Variants in ATG9A observed in about 807,000 individuals in gnomAD.
The protein encoded by ATG9A is autophagy related 9A.
In ATG9A, 21 loss-of-function variants were observed where a neutral mutation model predicts 87.1. The ratio of observed to expected loss-of-function variants is 0.24; its 90% CI spans 0.17 to 0.35. ATG9A has a LOEUF of 0.35. Ranked by LOEUF, ATG9A falls within the 10% of genes least tolerant of loss-of-function variation. The pLI is 1.00. For missense variants in ATG9A, 836 were observed against 1,107.3 expected, an observed-to-expected ratio of 0.76 and a Z score of 3.48; for synonymous variants, 422 against 441.3, an observed-to-expected ratio of 0.96 and a Z score of 0.55.
chr2:219,224,049 T>G lies in ATG9A; in HGVS notation c.1266-27A>C, dbSNP rs531910156. On this transcript the variant is annotated intron_variant, in intron 8 of 15. Coordinates refer to ENST00000361242, the MANE Select transcript of ATG9A (RefSeq NM_001077198.3). This position sits in a 1 kb window ranked among gnomAD's most constrained non-coding sequence, Gnocchi z 7.7. ...TAGTGGGATCAGGATCATGGTGAGATGTATGCCTTTCCCAGGAATGCTAGC... is the reference window on the plus strand; with the variant it reads ...TAGTGGGATCAGGATCATGGTGAGAGGTATGCCTTTCCCAGGAATGCTAGC... 1 of 1,605,710 alleles carries G rather than the reference T, an allele frequency of 6.2e-7. No homozygotes were observed. Among genetic ancestry groups the G allele is most frequent in the Non-Finnish European group, 8.5e-7 (1 of 1,174,882 alleles).
Position 219,226,992 on chromosome 2 carries a change from T to G in ATG9A, c.148-59A>C, listed in dbSNP as rs577157094. The G allele has an allele frequency of 2.5e-5, 35 of 1,403,110 alleles. No homozygotes were observed. In the East Asian group the frequency reaches 8.0e-4, roughly 32 times the overall value. 86.9% of individuals were successfully genotyped at this position (1,403,110 alleles called of 1,614,324 possible). A position where few individuals can be genotyped will look rare whatever the true frequency, so the allele number is the denominator to read the frequency against. On this transcript the variant is annotated intron_variant, in intron 4 of 15. Coordinates refer to ENST00000361242, the MANE Select transcript of ATG9A (RefSeq NM_001077198.3). ...AAGCAGGTAAGAGCACAGACTTTGG[T>G]GTCAACACACTCAAGCTTAAGTCCT... is the stretch of plus-strand genomic sequence containing the variant.
chr2:219,223,361 T>A lies in ATG9A; in HGVS notation c.1599+224A>T, dbSNP rs370344231. Among the ~76,000 whole-genome samples, 15 of 152,224 alleles carry A rather than the reference T, an allele frequency of 9.9e-5. No homozygotes were observed. The highest frequency in any genetic ancestry group is 9.7e-4 in the East Asian group (5 of 5,156). On this transcript the variant is annotated intron_variant, in intron 10 of 15. Coordinates refer to ENST00000361242, the MANE Select transcript of ATG9A (RefSeq NM_001077198.3). This position sits in a 1 kb window ranked among gnomAD's most constrained non-coding sequence, Gnocchi z 4.7. ...CCTTGGCCTCCCAAAGTGCTGGGAT[T>A]ACAGACGTGAGCCACCGCGCCTGGC...
intron 13 of ATG9A, 111 bp downstream of exon 13, chr2:219,221,939 G>A: frequency 3.3e-6 from 3 of 902,592 alleles, no homozygotes; most frequent in South Asian, 3.3e-5. Flanking sequence ...TAAGAAGGTA[G>A]ATATGGGAGT....
chr2:219,228,121 C>A, intron 2 of ATG9A, 68 bp from the exon 3 acceptor site: 2 of 1,118,538 alleles, frequency 1.8e-6, no homozygotes, highest in East Asian at 4.9e-5. Flanking sequence ...GCCCTGCCTA[C>A]TGCCAAAAGG....
In ATG9A at chr2:219,225,515, G is replaced by A. The variant is rs770730811; in HGVS notation, c.270C>T (p.Asp90=). Residue 90 remains aspartate (D), a synonymous_variant, in exon 6 of 16, where the codon GAC becomes GAT. Coordinates refer to ENST00000361242, the MANE Select transcript of ATG9A (RefSeq NM_001077198.3). ...TCACCATCTTGTTGGCAAATAGGAT[G>A]TCATAGTCCACGCAGCTGACCAGGA... The part of the protein sequence containing the change: ...TTFLVSCVDY[D]ILFANKMVNH... The A allele has an allele frequency of 3.1e-6, 5 of 1,614,184 alleles. No homozygotes were observed. The Admixed American group carries it at 6.7e-5, about 22-fold the overall frequency.
intron 5 of ATG9A, among the ~76,000 whole-genome samples, chr2:219,226,258 G>T (rs1382997947): frequency 6.6e-6 from 1 of 152,092 alleles, no homozygotes; most frequent in Non-Finnish European, 1.5e-5. Flanking sequence ...TTACAGGCGT[G>T]TGCCACCACA....
intron 3 of ATG9A, 50 bp from the exon 4 acceptor site, chr2:219,227,863 T>C: frequency 6.2e-7 from 1 of 1,612,830 alleles, no homozygotes; most frequent in Non-Finnish European, 8.5e-7. Flanking sequence ...CACAAGCCCC[T>C]TGCTCTCTCC....
chr2:219,221,691 T>C (rs1411519025), intron 13 of ATG9A, among the ~76,000 whole-genome samples: 1 of 152,032 alleles, frequency 6.6e-6, no homozygotes, highest in African/African-American at 2.4e-5. Context: ...GGAAAAAACA[T>C]GATATGTCAC....
chr2:219,225,372 A>G (rs1375850376), intron 6 of ATG9A, 39 bp downstream of exon 6: 2 of 1,607,708 alleles, frequency 1.2e-6, no homozygotes, highest in South Asian at 2.2e-5. Flanking sequence ...TGCTAGCAGA[A>G]CTCAAGGCTA....
In ATG9A at chr2:219,220,780, G is replaced by A. The variant is rs1181054121; in HGVS notation, c.2481C>T (p.Gly827=). ...SRHPEPVPEE[G]SEDELPPQVH... ...CCTGAGGGGGTAGCTCATCCTCCGAGCCCTCTTCGGGCACGGGCTCAGGGT... is the reference window on the plus strand; with the variant it reads ...CCTGAGGGGGTAGCTCATCCTCCGAACCCTCTTCGGGCACGGGCTCAGGGT... Residue 827 remains glycine, a synonymous_variant, in exon 15 of 16, where the codon GGC becomes GGT. Coordinates refer to ENST00000361242, the MANE Select transcript of ATG9A (RefSeq NM_001077198.3). The A allele has an allele frequency of 4.3e-6, 7 of 1,613,428 alleles. No homozygotes were observed. Among genetic ancestry groups the A allele is most frequent in the Non-Finnish European group, 5.9e-6 (7 of 1,179,988 alleles).
chr2:219,226,630 C>T (rs1050071355), intron 5 of ATG9A, among the ~76,000 whole-genome samples: 1 of 152,020 alleles, frequency 6.6e-6, no homozygotes, highest in South Asian at 2.1e-4. Flanking sequence ...AGAGGTTGCA[C>T]CGAGCCAAGA....
intron 5 of ATG9A, among the ~76,000 whole-genome samples, 193 bp downstream of exon 5, chr2:219,226,676 C>G (rs1036278736): frequency 7.9e-5 from 12 of 152,048 alleles, no homozygotes; most frequent in Non-Finnish European, 4.4e-5. Context: ...GAGTGAGACT[C>G]ACTCCATCTC....
At position 219,222,902 on chromosome 2, in the gene ATG9A, G is replaced by T. The variant is rs778932333; in HGVS notation, c.1600-9C>A. 44 of 1,613,658 alleles carry T rather than the reference G, an allele frequency of 2.7e-5. No homozygotes were observed. Among genetic ancestry groups the T allele is most frequent in the Non-Finnish European group, 3.5e-5 (41 of 1,179,954 alleles). On this transcript the variant is annotated splice_polypyrimidine_tract_variant and intron_variant, in intron 10 of 15. Coordinates refer to ENST00000361242, the MANE Select transcript of ATG9A (RefSeq NM_001077198.3). The surrounding 1 kb of genome is among the most constrained non-coding windows in gnomAD (Gnocchi z 4.3). ...TGCCCAGCAGATAGCCACTGCACAA[G>T]GAAGAGCAGAGTAAGCAGGGCTGTT...
Position 219,223,566 on chromosome 2 carries a change from C to T in ATG9A, c.1599+19G>A. On this transcript the variant is annotated intron_variant, in intron 10 of 15. Transcript: ENST00000361242. The surrounding 1 kb of genome is among the most constrained non-coding windows in gnomAD (Gnocchi z 4.7). ...TCCAGCATCATCCCAGGCCACCTGG[C>T]TCCCTCCTCTCCCAGTACCTGGGGA... 2 of 1,577,194 alleles carry T rather than the reference C, an allele frequency of 1.3e-6. No homozygotes were observed. Among genetic ancestry groups the T allele is most frequent in the African/African-American group, 2.7e-5 (2 of 73,674 alleles).
Position 219,220,275 on chromosome 2 carries a change from T to C in ATG9A, c.*172A>G, listed in dbSNP as rs1434423192. 1.2e-6 allele frequency: 1 copy of C among 819,898 alleles called. No homozygotes were observed. The highest frequency in any genetic ancestry group is 2.6e-5 in the East Asian group (1 of 38,426). The allele number at this position is 819,898 out of a possible 1,614,324, so 50.8% of individuals were successfully genotyped here. On this transcript the variant is annotated 3_prime_UTR_variant, in exon 16 of 16. Coordinates refer to ENST00000361242, the MANE Select transcript of ATG9A (RefSeq NM_001077198.3). The stretch of plus-strand genomic sequence containing the variant: ...GTTCCTAGGCCCCAAATTCCTCTCC[T>C]GGGGCTGTGGCAAGCCCAGTGTTGG...
intron 5 of ATG9A, among the ~76,000 whole-genome samples, chr2:219,226,395 G>A (rs1950861174): frequency 6.6e-6 from 1 of 152,244 alleles, no homozygotes; most frequent in Non-Finnish European, 1.5e-5. Context: ...TTTCTTGTAA[G>A]AAAGCTTGGC....
intron 13 of ATG9A, 89 bp from the exon 14 acceptor site, chr2:219,221,391 T>C: frequency 8.0e-7 from 1 of 1,255,906 alleles, no homozygotes; most frequent in Non-Finnish European, 1.1e-6. Flanking sequence ...CAGTTCCCGC[T>C]TTACCCCTTC....
rs1481455254 is a variant in ATG9A, at chr2:219,229,600, G to C, written c.-147C>G. Reference sequence around the variant, plus strand: ...GCTCCGCTCGGCTCGGCTCGGCTCGGCGCGACCCGCGGCGCTAGGCCGGGT... The same window carrying C: ...GCTCCGCTCGGCTCGGCTCGGCTCGCCGCGACCCGCGGCGCTAGGCCGGGT... On this transcript the variant is annotated 5_prime_UTR_variant, in exon 1 of 16. Coordinates refer to ENST00000361242, the MANE Select transcript of ATG9A (RefSeq NM_001077198.3). The surrounding 1 kb of genome is among the most constrained non-coding windows in gnomAD (Gnocchi z 4.2). 6.5e-6 allele frequency: 1 copy of C among 152,686 alleles called. No individual in the cohort carries two copies. Among genetic ancestry groups the C allele is most frequent in the Non-Finnish European group, 1.5e-5 (1 of 68,078 alleles). The allele number at this position is 152,686 out of a possible 1,614,324, so 9.5% of individuals were successfully genotyped here. A position where few individuals can be genotyped will look rare whatever the true frequency, so the allele number is the denominator to read the frequency against.
At chr2:219,228,973 G>C (rs1430183569) in intron 1 of ATG9A, 1 of 152,238 alleles carries the variant, frequency 6.6e-6, no homozygotes, top group African/African-American at 2.4e-5. Context: ...GGGTTCCCTA[G>C]GTCCTGTAAG....
Sources: gnomAD v4.1 joint callset for allele counts (sites outside exome capture counted in the v4.1 genomes callset) on GRCh38, gnomAD v4.1.1 for gene constraint, Gnocchi (gnomAD v3.1) non-coding constraint, MANE v1.5 for transcripts, NCBI Gene and HGNC (gene_info 2026-07-23, HGNC 2026-07-21) for gene names.